SLC24A4: variants seen among roughly 807,000 people sequenced by gnomAD.
SLC24A4 encodes solute carrier family 24 member 4.
Under a neutral mutation model 79.0 loss-of-function variants are expected in SLC24A4, and 53 were observed. That is an observed-to-expected ratio of 0.67 (90% CI 0.54 to 0.84). The LOEUF is 0.84. Among genes scored for constraint, SLC24A4 ranks in the 40% least tolerant of loss-of-function variants. The pLI is 0.00. For missense variants in SLC24A4, 731 were observed against 822.0 expected, an observed-to-expected ratio of 0.89 and a Z score of 1.35; for synonymous variants, 323 against 323.8, an observed-to-expected ratio of 1.00 and a Z score of 0.03.
intron 2 of SLC24A4, among the ~76,000 whole-genome samples, chr14:92,412,918 G>C (rs181379841): frequency 1.3e-5 from 2 of 152,314 alleles, no homozygotes; most frequent in Admixed American, 1.3e-4. Flanking sequence ...AGTTAAAAAG[G>C]AATACTATTT....
At chr14:92,396,848 C>T (rs1889807437) in intron 2 of SLC24A4, among the ~76,000 whole-genome samples, 1 of 152,124 alleles carries the variant, frequency 6.6e-6, no homozygotes, top group South Asian at 2.1e-4. Flanking sequence ...AGCTCCTTGT[C>T]ACCTGCTCTG....
chr14:92,442,909 G>A (rs899983513), intron 6 of SLC24A4, 93 bp downstream of exon 6: 33 of 1,043,936 alleles, frequency 3.2e-5, no homozygotes, highest in East Asian at 1.2e-4. Context: ...CAGTGGGGAC[G>A]CCCACAGGAC....
intron 2 of SLC24A4, among the ~76,000 whole-genome samples, chr14:92,421,385 C>T (rs61977277): frequency 0.086 from 13,099 of 152,190 alleles, 581 homozygotes; most frequent in East Asian, 0.095. Flanking sequence ...TTAGTCCCTT[C>T]CCTACCCCCA....
rs1193741836 is a variant in SLC24A4, at chr14:92,494,406, A to T, written c.*778A>T. ...CACCAAAAAAGTAATGATCGTAAAG[A>T]CACAAATCCTCTGTATGCCATCTTG... is the stretch of plus-strand genomic sequence containing the variant. On this transcript the variant is annotated 3_prime_UTR_variant, in exon 17 of 17. Coordinates refer to ENST00000532405, the MANE Select transcript of SLC24A4 (RefSeq NM_153646.4). This position sits in a 1 kb window ranked among gnomAD's most constrained non-coding sequence, Gnocchi z 4.6. 1.3e-5 allele frequency: 2 copies of T among 152,534 alleles called. No individual in the cohort carries two copies. Among genetic ancestry groups the T allele is most frequent in the Non-Finnish European group, 2.9e-5 (2 of 68,048 alleles). The allele number at this position is 152,534 out of a possible 1,614,324, so 9.4% of individuals were successfully genotyped here.
intron 2 of SLC24A4, chr14:92,408,319 C>T (rs1186686128): frequency 1.2e-6 from 1 of 868,774 alleles, no homozygotes; most frequent in Non-Finnish European, 1.4e-6. Context: ...TCTTCTGGGC[C>T]TATCTGTTTA....
chr14:92,343,579 GTTTTC>G, intron 2 of SLC24A4, among the ~76,000 whole-genome samples: 1 of 131,408 alleles, frequency 7.6e-6, no homozygotes, highest in Non-Finnish European at 1.6e-5. Context: ...ATTAATTACT[GTTTTC>G]TTTCTTTCTT....
intron 13 of SLC24A4, chr14:92,484,031 C>T: frequency 1.0e-6 from 1 of 985,310 alleles, no homozygotes; most frequent in Non-Finnish European, 1.2e-6. Flanking sequence ...TCTTGCAAAC[C>T]ACAGAAGCTG....
intron 13 of SLC24A4, among the ~76,000 whole-genome samples, 183 bp downstream of exon 13, chr14:92,483,029 G>A (rs924609786): frequency 2.0e-5 from 3 of 152,036 alleles, no homozygotes; most frequent in African/African-American, 7.3e-5. Flanking sequence ...TCAGGTACCC[G>A]GAATGCAGAG....
chr14:92,334,529 A>G (rs767628400), intron 2 of SLC24A4, among the ~76,000 whole-genome samples: 58 of 152,298 alleles, frequency 3.8e-4, no homozygotes, highest in Admixed American at 1.1e-3. Flanking sequence ...GCTGGCATTT[A>G]GTGGCTATTC....
At chr14:92,394,472 G>T (rs946414066) in intron 2 of SLC24A4, among the ~76,000 whole-genome samples, 2 of 152,130 alleles carry the variant, frequency 1.3e-5, no homozygotes, top group Non-Finnish European at 2.9e-5. Context: ...GGGTGTGGTG[G>T]TATCCACCCA....
chr14:92,408,321 A>G (rs1890520714), intron 2 of SLC24A4: 36 of 886,892 alleles, frequency 4.1e-5, no homozygotes, highest in Non-Finnish European at 4.9e-5. Context: ...TTCTGGGCCT[A>G]TCTGTTTAAG....
chr14:92,411,071 G>A (rs1457543168), intron 2 of SLC24A4, among the ~76,000 whole-genome samples: 2 of 152,130 alleles, frequency 1.3e-5, no homozygotes, highest in African/African-American at 4.8e-5. Context: ...CTCTGGCCCA[G>A]CCCTCTCAGT....
intron 2 of SLC24A4, among the ~76,000 whole-genome samples, chr14:92,427,068 A>G (rs1427257341): frequency 1.3e-5 from 2 of 152,238 alleles, no homozygotes; most frequent in Non-Finnish European, 2.9e-5. Flanking sequence ...AAGAACAACG[A>G]GCAGCTCACA....
At chr14:92,459,740 T>C (rs894062017) in intron 12 of SLC24A4, among the ~76,000 whole-genome samples, 6 of 152,122 alleles carry the variant, frequency 3.9e-5, no homozygotes, top group African/African-American at 1.4e-4. Context: ...GTTGTACAGC[T>C]GCTTCTCGTT....
intron 12 of SLC24A4, among the ~76,000 whole-genome samples, chr14:92,479,073 G>A (rs1894920825): frequency 6.6e-6 from 1 of 152,108 alleles, no homozygotes. Context: ...TTGTTTATTA[G>A]TTCTAATAGG....
intron 16 of SLC24A4, among the ~76,000 whole-genome samples, chr14:92,493,100 G>T (rs1042379266): frequency 6.6e-6 from 1 of 151,586 alleles, no homozygotes; most frequent in African/African-American, 2.4e-5. Flanking sequence ...ATGGTTCCAC[G>T]CTCTGAAGCA....
chr14:92,368,546 ATCT>A (rs779195632), intron 2 of SLC24A4, among the ~76,000 whole-genome samples: 3 of 152,228 alleles, frequency 2.0e-5, no homozygotes, highest in Non-Finnish European at 2.9e-5. Flanking sequence ...ATTCACCCTC[ATCT>A]TCATTCCTTC....
intron 12 of SLC24A4, among the ~76,000 whole-genome samples, chr14:92,474,951 G>C (rs1390610082): frequency 6.7e-6 from 1 of 148,632 alleles, no homozygotes; most frequent in Non-Finnish European, 1.5e-5. Context: ...ACCCACCTTG[G>C]CCTCCCAAAG....
chr14:92,372,926 T>C (rs1178311363), intron 2 of SLC24A4, among the ~76,000 whole-genome samples: 1 of 96,168 alleles, frequency 1.0e-5, no homozygotes, highest in South Asian at 4.7e-4. Context: ...CCTTTCTTTC[T>C]CTTTCTTTCT....
Sources: gnomAD v4.1 joint callset for allele counts (sites outside exome capture counted in the v4.1 genomes callset) on GRCh38, gnomAD v4.1.1 for gene constraint, Gnocchi (gnomAD v3.1) non-coding constraint, MANE v1.5 for transcripts, NCBI Gene and HGNC (gene_info 2026-07-23, HGNC 2026-07-21) for gene names.